CLCN3: variants seen among roughly 807,000 people sequenced by gnomAD.
CLCN3 encodes the protein Cl-/H+ antiporter 3.
A neutral mutation model predicts 83.4 loss-of-function variants in CLCN3; 16 were observed. The observed-to-expected ratio is 0.19, with a 90% CI of 0.13 to 0.29. CLCN3 has a LOEUF of 0.29. Ranked by LOEUF, CLCN3 falls within the 10% of genes least tolerant of loss-of-function variation. The probability of loss-of-function intolerance (pLI) is 1.00; values close to 1 mark genes in which losing one functional copy is unlikely to be tolerated. For missense variants in CLCN3, 544 were observed against 1,006.0 expected, an observed-to-expected ratio of 0.54 and a Z score of 6.21; for synonymous variants, 322 against 346.2, an observed-to-expected ratio of 0.93 and a Z score of 0.78.
intron 1 of CLCN3, among the ~76,000 whole-genome samples, chr4:169,634,702 AT>A (rs1035871272): frequency 1.3e-5 from 2 of 151,620 alleles, no homozygotes; most frequent in South Asian, 2.1e-4. Flanking sequence ...TGGAGAGAGG[AT>A]TTTTTTTTAA....
chr4:169,624,947 A>G (rs560091282), intron 1 of CLCN3, among the ~76,000 whole-genome samples: 71 of 152,078 alleles, frequency 4.7e-4, no homozygotes, highest in African/African-American at 1.7e-3. Flanking sequence ...GCCCGCCACC[A>G]TGCCCGGCTA....
intron 12 of CLCN3, 80 bp downstream of exon 12, chr4:169,713,375 G>A (rs1733299025): frequency 2.7e-6 from 3 of 1,096,766 alleles, no homozygotes; most frequent in Non-Finnish European, 4.1e-6. Context: ...GTTATTAGGG[G>A]AGCATGTGAG....
intron 3 of CLCN3, 65 bp downstream of exon 3, chr4:169,680,272 T>C: frequency 8.7e-7 from 1 of 1,151,578 alleles, no homozygotes; most frequent in Non-Finnish European, 1.2e-6. Context: ...ATAATATATT[T>C]CTGCCAATGA....
At chr4:169,665,724 G>A (rs1404883218) in intron 2 of CLCN3, among the ~76,000 whole-genome samples, 2 of 152,046 alleles carry the variant, frequency 1.3e-5, no homozygotes, top group African/African-American at 4.8e-5. Flanking sequence ...TTTTAAAAAG[G>A]TTCATATGTT....
At chr4:169,682,377 A>G (rs1731978873) in intron 3 of CLCN3, among the ~76,000 whole-genome samples, 2 of 152,320 alleles carry the variant, frequency 1.3e-5, no homozygotes, top group South Asian at 4.1e-4. Flanking sequence ...TATCATTGGA[A>G]ACAAATACAC....
At chr4:169,703,402 C>T (rs968558990) in intron 9 of CLCN3, among the ~76,000 whole-genome samples, 1 of 152,176 alleles carries the variant, frequency 6.6e-6, no homozygotes, top group Admixed American at 6.5e-5. Flanking sequence ...AGATGAATAG[C>T]ATCTACCATT....
rs534644256 is a variant in CLCN3, at chr4:169,624,223, T to C, written c.-17+3160T>C. ...ATCTCTGCTCACTGCAACCTCTGCC[T>C]CCTGGGTTCAAGCGATTCTCATGCC... On this transcript the variant is annotated intron_variant, in intron 1 of 12. Coordinates refer to ENST00000513761, the MANE Select transcript of CLCN3 (RefSeq NM_001829.4). Among the ~76,000 whole-genome samples, 193 of 152,310 alleles carry C rather than the reference T, an allele frequency of 1.3e-3. 7 individuals are homozygous for C. The South Asian group carries it at 0.039, about 31-fold the overall frequency.
At position 169,697,225 on chromosome 4, in the gene CLCN3, T is replaced by A. The variant is rs1179113077; in HGVS notation, c.1054T>A (p.Ser352Thr). Residue 352 changes from serine (S) to threonine (T), a missense_variant, in exon 9 of 13, where the codon TCA becomes ACA. Transcript: ENST00000513761. ...YYFPLKTLWR[S>T]FFAALVAAFV... Reference sequence around the variant, plus strand: ...TTTTCCTCTCAAAACTTTATGGAGATCATTTTTTGCTGCTTTAGTGGCTGC... The same window carrying A: ...TTTTCCTCTCAAAACTTTATGGAGAACATTTTTTGCTGCTTTAGTGGCTGC... 2 of 1,597,402 alleles carry A rather than the reference T, an allele frequency of 1.3e-6. No homozygotes were observed. The highest frequency in any genetic ancestry group is 1.7e-6 in the Non-Finnish European group (2 of 1,176,212).
intron 2 of CLCN3, among the ~76,000 whole-genome samples, chr4:169,655,591 C>T (rs933730084): frequency 3.3e-5 from 5 of 152,162 alleles, no homozygotes; most frequent in African/African-American, 1.2e-4. Flanking sequence ...ACCTCCAGGG[C>T]CCAAGTGATC....
At chr4:169,674,793 C>T (rs2150232872) in intron 2 of CLCN3, among the ~76,000 whole-genome samples, 1 of 152,234 alleles carries the variant, frequency 6.6e-6, no homozygotes, top group East Asian at 1.9e-4. Context: ...CTCTGTCGCC[C>T]AGGCTGGAGT....
rs150367956 is a variant in CLCN3 at position 169,672,820 on chromosome 4, C to T, written c.161-7230C>T. Among the ~76,000 whole-genome samples, 1,036 of 152,140 alleles carry T rather than the reference C, an allele frequency of 6.8e-3. 7 individuals carry two copies. Among genetic ancestry groups the T allele is most frequent in the African/African-American group, 0.024 (980 of 41,518 alleles). On this transcript the variant is annotated intron_variant, in intron 2 of 12. Coordinates refer to ENST00000513761, the MANE Select transcript of CLCN3 (RefSeq NM_001829.4). ...CTGGGATTACAGGCACCTGCCACCG[C>T]GCCCAGCTAATTTTTTTTATTTTTA...
At chr4:169,717,829 G>C (rs1342553869) in intron 12 of CLCN3, 1 of 1,613,002 alleles carries the variant, frequency 6.2e-7, no homozygotes, top group Non-Finnish European at 8.5e-7. Flanking sequence ...GAACATATTA[G>C]AGCATCTCGA....
intron 9 of CLCN3, among the ~76,000 whole-genome samples, chr4:169,702,154 T>G (rs1025308399): frequency 6.6e-6 from 1 of 152,162 alleles, no homozygotes; most frequent in African/African-American, 2.4e-5. Flanking sequence ...CTGCAACCAA[T>G]TATTACTTTA....
Position 169,620,811 on chromosome 4 carries a change from C to A in CLCN3, c.-269C>A. 1 of 398,556 alleles carries A rather than the reference C, an allele frequency of 2.5e-6. No individual in the cohort carries two copies. The allele number at this position is 398,556 out of a possible 1,614,324, so 24.7% of individuals were successfully genotyped here. On this transcript the variant is annotated 5_prime_UTR_variant, in exon 1 of 13. Coordinates refer to ENST00000513761, the MANE Select transcript of CLCN3 (RefSeq NM_001829.4). Reference sequence around the variant, plus strand: ...AGAAGCAGGTTGACTCTAGGGATCTCCAGAGCGAGAGGATTTAACTTCATG... The same window carrying A: ...AGAAGCAGGTTGACTCTAGGGATCTACAGAGCGAGAGGATTTAACTTCATG...
At chr4:169,718,838 C>T (rs1373285122) in intron 12 of CLCN3, among the ~76,000 whole-genome samples, 1 of 152,182 alleles carries the variant, frequency 6.6e-6, no homozygotes, top group Non-Finnish European at 1.5e-5. Context: ...GCTACTCATT[C>T]ATTCTGCTTT....
intron 2 of CLCN3, among the ~76,000 whole-genome samples, chr4:169,636,735 G>GTTGTTTTTTTTTTTTTTTT (rs1553965336): frequency 8.4e-6 from 1 of 119,518 alleles, no homozygotes; most frequent in Non-Finnish European, 1.8e-5. Flanking sequence ...TCATTATTTG[G>GTTGTTTTTTTTTTTTTTTT]TTTTTTTTTT....
intron 2 of CLCN3, among the ~76,000 whole-genome samples, chr4:169,678,723 A>AG (rs1415835862): frequency 6.6e-6 from 1 of 152,212 alleles, no homozygotes; most frequent in East Asian, 1.9e-4. Flanking sequence ...TTCAGAGAGC[A>AG]GGGGGTTGGG....
intron 1 of CLCN3, among the ~76,000 whole-genome samples, chr4:169,632,530 C>T (rs1342950003): frequency 6.6e-6 from 1 of 151,340 alleles, no homozygotes; most frequent in Non-Finnish European, 1.5e-5. Flanking sequence ...GAGATTGAGA[C>T]CATGGTGAAA....
intron 7 of CLCN3, among the ~76,000 whole-genome samples, chr4:169,694,441 A>G (rs572654112): frequency 1.3e-5 from 2 of 152,308 alleles, no homozygotes; most frequent in South Asian, 2.1e-4. Flanking sequence ...TTACAGCTTA[A>G]TTTTTATTAT....
Sources: allele counts gnomAD v4.1 joint callset (sites outside exome capture counted in the v4.1 genomes callset), GRCh38; gene constraint gnomAD v4.1.1; transcripts MANE v1.5; gene names NCBI Gene and HGNC (gene_info 2026-07-23, HGNC 2026-07-21).